SKI: variants seen among roughly 807,000 people sequenced by gnomAD.
SKI encodes the protein SKI proto-oncogene.
A neutral mutation model predicts 59.3 loss-of-function variants in SKI; 23 were observed. The ratio of observed to expected loss-of-function variants is 0.39; its 90% CI spans 0.28 to 0.55. The LOEUF is 0.55. SKI is among the 20% of genes least tolerant of loss of function. The pLI is 0.67. For synonymous variants in SKI, 673 were observed against 488.6 expected (o/e 1.38, Z -4.98); for missense variants, 1,017 against 1,038.9 (o/e 0.98, Z 0.29).
At position 2,303,894 on chromosome 1, in the gene SKI, A is replaced by G; in HGVS notation, c.1266A>G (p.Ala422=). 1 of 1,612,156 alleles carries G rather than the reference A, an allele frequency of 6.2e-7. No individual in the cohort carries two copies. Among genetic ancestry groups the G allele is most frequent in the Non-Finnish European group, 8.5e-7 (1 of 1,179,746 alleles). Residue 422 remains alanine, a synonymous_variant, in exon 4 of 7, where the codon GCA becomes GCG. Coordinates refer to ENST00000378536, the MANE Select transcript of SKI (RefSeq NM_003036.4). This position sits in a 1 kb window ranked among gnomAD's most constrained non-coding sequence, Gnocchi z 5.6. ...ETAVAPNVAL[A]PPAQQKVVSS... ...CCGTGGCGCCCAACGTGGCCCTCGC[A>G]CCGCCGGCCCAGCAGAAGGTTGTGA...
At chr1:2,251,672 C>A (rs1012952702) in intron 1 of SKI, among the ~76,000 whole-genome samples, 13 of 152,232 alleles carry the variant, frequency 8.5e-5, no homozygotes, top group African/African-American at 3.1e-4. Flanking sequence ...CAGTGGGAGA[C>A]CTGCTCCATG....
intron 1 of SKI, among the ~76,000 whole-genome samples, chr1:2,264,703 C>A (rs1325590982): frequency 6.6e-6 from 1 of 152,106 alleles, no homozygotes; most frequent in Non-Finnish European, 1.5e-5. Context: ...TGCCTGGCCC[C>A]AATTTTCAGT....
intron 1 of SKI, among the ~76,000 whole-genome samples, chr1:2,245,108 C>T (rs1638964186): frequency 6.6e-6 from 1 of 152,180 alleles, no homozygotes; most frequent in Non-Finnish European, 1.5e-5. Flanking sequence ...CTCCCCCAGC[C>T]CCCAACACCC....
intron 1 of SKI, among the ~76,000 whole-genome samples, chr1:2,238,134 C>G (rs993930719): frequency 2.0e-5 from 3 of 152,198 alleles, no homozygotes; most frequent in African/African-American, 7.2e-5. Flanking sequence ...ACCAGCTGGC[C>G]CTGGGAGGTC....
At position 2,228,680 on chromosome 1, in the gene SKI, C is replaced by A; in HGVS notation, c.-87C>A. ...GGGCGGCCGGGGTCGGGGCCGCGGG[C>A]GCCGCCGGGGCGCGCGGGGCGGCGG... On this transcript the variant is annotated 5_prime_UTR_variant, in exon 1 of 7. Coordinates refer to ENST00000378536, the MANE Select transcript of SKI (RefSeq NM_003036.4). 1 of 819,286 alleles carries A rather than the reference C, an allele frequency of 1.2e-6. No individual in the cohort carries two copies. The highest frequency in any genetic ancestry group is 1.5e-6 in the Non-Finnish European group (1 of 683,436). 50.8% of individuals were successfully genotyped at this position (819,286 alleles called of 1,614,324 possible). A position where few individuals can be genotyped will look rare whatever the true frequency, so the allele number is the denominator to read the frequency against.
At chr1:2,256,818 ATGTCT>A (rs1639284501) in intron 1 of SKI, among the ~76,000 whole-genome samples, 1 of 152,216 alleles carries the variant, frequency 6.6e-6, no homozygotes, top group Admixed American at 6.5e-5. Context: ...GGCATTCAAA[ATGTCT>A]TGTCAGACAC....
intron 1 of SKI, among the ~76,000 whole-genome samples, chr1:2,244,602 G>A (rs1638951911): frequency 6.6e-6 from 1 of 152,074 alleles, no homozygotes; most frequent in Non-Finnish European, 1.5e-5. Flanking sequence ...GCAAAAACAA[G>A]ATTCTGTCAT....
rs555623960 is a variant in SKI at position 2,306,194 on chromosome 1, C to A, written c.1942C>A (p.Arg648=). The part of the protein sequence containing the change: ...KRELEQARQA[R]VCDKGCEAGR... Reference sequence around the variant, plus strand: ...GGAGCTGGAGCAGGCGCGGCAGGCCCGGGTGTGCGACAAGGGCTGCGAGGC... The same window carrying A: ...GGAGCTGGAGCAGGCGCGGCAGGCCAGGGTGTGCGACAAGGGCTGCGAGGC... The change falls in exon 6 of 7, where the codon CGG becomes AGG. Residue 648 remains arginine (R), a synonymous_variant. Transcript: ENST00000378536. 7 of 1,583,434 alleles carry A rather than the reference C, an allele frequency of 4.4e-6. No individual in the cohort carries two copies. In the African/African-American group the frequency reaches 5.4e-5, roughly 12 times the overall value.
chr1:2,305,943 G>GGTCATCTAT (rs1640561819), intron 5 of SKI, 77 bp from the exon 6 acceptor site: 1 of 1,122,294 alleles, frequency 8.9e-7, no homozygotes, highest in African/African-American at 1.5e-5. Flanking sequence ...CACGGGGTGG[G>GGTCATCTAT]CTGAGGACTG....
chr1:2,242,092 G>A (rs367743815), intron 1 of SKI, among the ~76,000 whole-genome samples: 4 of 152,214 alleles, frequency 2.6e-5, no homozygotes, highest in East Asian at 1.9e-4. Flanking sequence ...AGGAGAGAGC[G>A]GAGCTGGTTG....
At chr1:2,292,851 C>A (rs1640194148) in intron 1 of SKI, among the ~76,000 whole-genome samples, 1 of 152,186 alleles carries the variant, frequency 6.6e-6, no homozygotes, top group Non-Finnish European at 1.5e-5. Flanking sequence ...GCAGAGTCCC[C>A]TTCGGAGGAA....
chr1:2,240,712 T>G, intron 1 of SKI: 1 of 985,392 alleles, frequency 1.0e-6, no homozygotes, highest in Non-Finnish European at 1.2e-6. Context: ...CAGTTCTAGA[T>G]CCAGGAGAGC....
intron 1 of SKI, among the ~76,000 whole-genome samples, chr1:2,288,656 C>T (rs962476776): frequency 1.3e-5 from 2 of 152,186 alleles, no homozygotes; most frequent in African/African-American, 4.8e-5. Context: ...TCCTGAGTGG[C>T]CTTGGTTGGC....
At chr1:2,276,288 G>A (rs1362174848) in intron 1 of SKI, among the ~76,000 whole-genome samples, 1 of 151,898 alleles carries the variant, frequency 6.6e-6, no homozygotes, top group Non-Finnish European at 1.5e-5. Flanking sequence ...TACCCCAGGT[G>A]GCTCCACCCA....
chr1:2,232,412 A>G (rs775006666), intron 1 of SKI: 5 of 152,070 alleles, frequency 3.3e-5, no homozygotes, highest in African/African-American at 7.3e-5. Flanking sequence ...GAGGGCGGAG[A>G]TGTTCCCGGG....
chr1:2,266,593 G>A (rs755814361), intron 1 of SKI, among the ~76,000 whole-genome samples: 48 of 152,264 alleles, frequency 3.2e-4, no homozygotes, highest in East Asian at 3.9e-4. Context: ...TGGGGCCATT[G>A]TCTCCCATCT....
intron 1 of SKI, among the ~76,000 whole-genome samples, chr1:2,290,164 G>A (rs1640130416): frequency 6.6e-6 from 1 of 152,054 alleles, no homozygotes; most frequent in Admixed American, 6.5e-5. Flanking sequence ...GGTCTTAAGA[G>A]ATCAGGCAGG....
Position 2,269,299 on chromosome 1 carries a change from A to G in SKI, c.970-33679A>G, listed in dbSNP as rs1317727324. Among the ~76,000 whole-genome samples the G allele has an allele frequency of 2.0e-5, 3 of 152,210 alleles. No homozygotes were observed. The highest frequency in any genetic ancestry group is 4.8e-5 in the African/African-American group (2 of 41,470). On this transcript the variant is annotated intron_variant, in intron 1 of 6. Coordinates refer to ENST00000378536, the MANE Select transcript of SKI (RefSeq NM_003036.4). This position sits in a 1 kb window ranked among gnomAD's most constrained non-coding sequence, Gnocchi z 4.7. ...CCCTGGGAAGAAAGCACCGCTGGCC[A>G]TGACTGGGCAGAGCCAGAGAGTGAC...
At chr1:2,296,718 C>T (rs764893491) in intron 1 of SKI, among the ~76,000 whole-genome samples, 7 of 152,022 alleles carry the variant, frequency 4.6e-5, no homozygotes, top group Non-Finnish European at 8.8e-5. Flanking sequence ...AGCACAAAGA[C>T]GTCGTGATTG....
Sources: allele counts gnomAD v4.1 joint callset (sites outside exome capture counted in the v4.1 genomes callset), GRCh38; gene constraint gnomAD v4.1.1; non-coding constraint Gnocchi (gnomAD v3.1); transcripts MANE v1.5; gene names NCBI Gene and HGNC (gene_info 2026-07-23, HGNC 2026-07-21).